SEL1L3: variants seen among roughly 807,000 people sequenced by gnomAD.
SEL1L3 encodes the protein SEL1L family member 3.
In SEL1L3, 76 loss-of-function variants were observed where a neutral mutation model predicts 142.8. The ratio of observed to expected loss-of-function variants is 0.53; its 90% CI spans 0.44 to 0.64. The LOEUF is 0.64. SEL1L3 is among the 30% of genes least tolerant of loss of function. The pLI is 0.00. For synonymous variants in SEL1L3, 504 were observed against 519.6 expected (o/e 0.97, Z 0.41); for missense variants, 1,262 against 1,381.7 (o/e 0.91, Z 1.37).
At chr4:25,750,322 C>A (rs1015927180) in intron 23 of SEL1L3, among the ~76,000 whole-genome samples, 3 of 151,754 alleles carry the variant, frequency 2.0e-5, no homozygotes, top group Non-Finnish European at 2.9e-5. Flanking sequence ...GTAGTTGTGA[C>A]CAAGACAGCC....
chr4:25,823,881 C>T (rs1714928901), intron 6 of SEL1L3, among the ~76,000 whole-genome samples: 2 of 152,230 alleles, frequency 1.3e-5, no homozygotes, highest in South Asian at 4.2e-4. Context: ...GAGGGATGGA[C>T]TGTCTGTTAG....
downstream of SEL1L3, among the ~76,000 whole-genome samples, chr4:25,746,876 G>A (rs562863306): frequency 6.3e-4 from 96 of 151,976 alleles, no homozygotes; most frequent in African/African-American, 2.2e-3. Context: ...CCTAATACAA[G>A]ACTCTATCCT....
chr4:25,808,586 A>G (rs1318750506), intron 9 of SEL1L3, among the ~76,000 whole-genome samples: 1 of 152,166 alleles, frequency 6.6e-6, no homozygotes, highest in African/African-American at 2.4e-5. Context: ...AGCTTCTGAA[A>G]GGTGTAATGC....
chr4:25,795,749 TAGCAACC>T (rs1407255258), intron 11 of SEL1L3, among the ~76,000 whole-genome samples: 1 of 152,170 alleles, frequency 6.6e-6, no homozygotes, highest in African/African-American at 2.4e-5. Flanking sequence ...GTCACTACAA[TAGCAACC>T]AGCATCACAT....
chr4:25,849,920 G>A (rs1716774223), intron 1 of SEL1L3, among the ~76,000 whole-genome samples: 1 of 152,196 alleles, frequency 6.6e-6, no homozygotes, highest in African/African-American at 2.4e-5. Context: ...AGCACTGAGA[G>A]AGAATAATTC....
At chr4:25,835,790 CATT>C (rs1304985872) in intron 2 of SEL1L3, among the ~76,000 whole-genome samples, 2 of 152,226 alleles carry the variant, frequency 1.3e-5, no homozygotes, top group Admixed American at 1.3e-4. Flanking sequence ...ATTTCATTTT[CATT>C]ATTATCCCCA....
the SEL1L3 span, among the ~76,000 whole-genome samples, chr4:25,737,587 G>A: frequency 5.8e-3 from 883 of 152,198 alleles, 6 homozygotes; most frequent in African/African-American, 0.02. Context: ...TTGGAAATTA[G>A]GGATTCTACA....
chr4:25,748,665 T>A, intron 23 of SEL1L3, 101 bp from the exon 24 acceptor site: 1 of 1,238,842 alleles, frequency 8.1e-7, no homozygotes, highest in Non-Finnish European at 1.1e-6. Context: ...GAGATGCATC[T>A]AGTCTAATGA....
At chr4:25,816,732 C>T (rs1366061053) in intron 9 of SEL1L3, among the ~76,000 whole-genome samples, 2 of 152,104 alleles carry the variant, frequency 1.3e-5, no homozygotes, top group African/African-American at 4.8e-5. Flanking sequence ...GGTGTCTGAG[C>T]TCTCGTTGGA....
intron 17 of SEL1L3, among the ~76,000 whole-genome samples, chr4:25,773,889 T>A (rs1367182074): frequency 1.3e-5 from 2 of 152,166 alleles, no homozygotes; most frequent in East Asian, 3.8e-4. Context: ...CACCCATCCT[T>A]CAAGACCACC....
intron 16 of SEL1L3, among the ~76,000 whole-genome samples, chr4:25,778,539 G>A (rs1719790208): frequency 6.6e-6 from 1 of 152,150 alleles, no homozygotes; most frequent in Non-Finnish European, 1.5e-5. Flanking sequence ...GTTAGAAATA[G>A]CATTTACATG....
intron 11 of SEL1L3, among the ~76,000 whole-genome samples, chr4:25,791,228 C>A (rs1216868274): frequency 1.3e-5 from 2 of 152,204 alleles, no homozygotes; most frequent in Non-Finnish European, 2.9e-5. Context: ...GCAGGTTCTG[C>A]TTCAAATATC....
At chr4:25,812,333 C>A (rs1560322413) in intron 9 of SEL1L3, among the ~76,000 whole-genome samples, 1 of 152,188 alleles carries the variant, frequency 6.6e-6, no homozygotes, top group Admixed American at 6.5e-5. Flanking sequence ...CTCTGATGCC[C>A]CCCTTGCCAC....
chr4:25,715,399 C>T, the SEL1L3 span, among the ~76,000 whole-genome samples: 2,810 of 152,112 alleles, frequency 0.018, 97 homozygotes, highest in African/African-American at 0.063. Flanking sequence ...TTTCACCTAT[C>T]GGGTTGGTAA....
chr4:25,784,167 T>TGCGAGA, intron 14 of SEL1L3, 61 bp downstream of exon 14: 1 of 1,346,162 alleles, frequency 7.4e-7, no homozygotes, highest in Non-Finnish European at 1.1e-6. Flanking sequence ...CTTTTAGACG[T>TGCGAGA]GCGAGAGCGT....
chr4:25,846,234 G>A (rs1425119492), intron 2 of SEL1L3, among the ~76,000 whole-genome samples: 1 of 152,204 alleles, frequency 6.6e-6, no homozygotes, highest in Non-Finnish European at 1.5e-5. Context: ...GAGATCTCCA[G>A]CCCCACGGCT....
the SEL1L3 span, among the ~76,000 whole-genome samples, chr4:25,734,131 C>T: frequency 6.6e-6 from 1 of 152,146 alleles, no homozygotes; most frequent in Non-Finnish European, 1.5e-5. Flanking sequence ...TCAAGCCATT[C>T]TCCTGCCTCA....
the SEL1L3 span, among the ~76,000 whole-genome samples, chr4:25,730,544 G>A: frequency 6.6e-6 from 1 of 152,116 alleles, no homozygotes; most frequent in Admixed American, 6.6e-5. Flanking sequence ...TGTAAGGGTA[G>A]AGCCTGCCAG....
chr4:25,816,873 C>T (rs1489397210), intron 9 of SEL1L3, among the ~76,000 whole-genome samples: 3 of 152,182 alleles, frequency 2.0e-5, no homozygotes, highest in African/African-American at 7.2e-5. Context: ...ATCTGGCAAA[C>T]ACCTGTTGGC....
Sources: allele counts gnomAD v4.1 joint callset (sites outside exome capture counted in the v4.1 genomes callset), GRCh38; gene constraint gnomAD v4.1.1; transcripts MANE v1.5; gene names NCBI Gene and HGNC (gene_info 2026-07-23, HGNC 2026-07-21).